AUP1: variants seen among roughly 807,000 people sequenced by gnomAD.
AUP1 encodes the protein AUP1 lipid droplet regulating VLDL assembly factor, also known as lipid droplet-regulating VLDL assembly factor AUP1.
A neutral mutation model predicts 51.8 loss-of-function variants in AUP1; 30 were observed. The observed-to-expected ratio is 0.58, with a 90% CI of 0.43 to 0.79. The LOEUF (loss-of-function observed/expected upper bound fraction) is 0.79, where lower values mean the gene tolerates loss of function less well. AUP1 is among the 30% of genes least tolerant of loss of function. AUP1 has a pLI of 0.00. For synonymous variants in AUP1, 227 were observed against 209.0 expected (o/e 1.09, Z -0.74); for missense variants, 492 against 517.1 (o/e 0.95, Z 0.47).
At position 74,528,849 on chromosome 2, in the gene AUP1, G is replaced by A. The variant is rs200530328; in HGVS notation, c.426C>T (p.Leu142=). Residue 142 remains leucine (L), a synonymous_variant, in exon 4 of 12, where the codon CTC becomes CTT. Coordinates refer to ENST00000377526, the MANE Select transcript of AUP1 (RefSeq NM_181575.5). ...MNGRGELVES[L]KRFCASTRLP... ...GCCTCGTGGAAGCACAGAATCTCTT[G>A]AGTGACTCCACCAACTCCCCCCGCC... The A allele has an allele frequency of 5.2e-5, 84 of 1,614,014 alleles. No homozygotes were observed. Among genetic ancestry groups the A allele is most frequent in the Admixed American group, 3.3e-5 (2 of 59,998 alleles).
At position 74,526,802 on chromosome 2, in the gene AUP1, A is replaced by G; in HGVS notation, c.1231T>C (p.Ter411ArgextTer31). 6.5e-7 allele frequency: 1 copy of G among 1,539,018 alleles called. No homozygotes were observed. Among genetic ancestry groups the G allele is most frequent in the Non-Finnish European group, 8.8e-7 (1 of 1,142,130 alleles). The change falls in exon 12 of 12, where the codon TGA (stop) becomes CGA (arginine). Residue 411 changes from the stop codon to arginine (R), a stop_lost. Transcript: ENST00000377526. ...FTERRAQEAD[*>R] ...GGTGCCATCCTGTTCCTTTGAGCTCAGTCAGCCTCCTGGGCTCGTCTCTCT... is the reference window on the plus strand; with the variant it reads ...GGTGCCATCCTGTTCCTTTGAGCTCGGTCAGCCTCCTGGGCTCGTCTCTCT...
Position 74,527,528 on chromosome 2 carries a change from G to C in AUP1, c.904C>G (p.Gln302Glu), listed in dbSNP as rs1276584832. 1.2e-6 allele frequency: 2 copies of C among 1,613,986 alleles called. No individual in the cohort carries two copies. The highest frequency in any genetic ancestry group is 1.7e-6 in the Non-Finnish European group (2 of 1,179,982). The change falls in exon 9 of 12, where the codon CAG (glutamine) becomes GAG (glutamate). Residue 302 changes from glutamine (Q) to glutamate (E), a missense_variant. Coordinates refer to ENST00000377526, the MANE Select transcript of AUP1 (RefSeq NM_181575.5). ...SPDVQLATLA[Q>E]RVKEVLPHVP... ...TGGGGCAAAACTTCCTTGACTCTCT[G>C]AGCCAGAGTTGCCAGTTGCACATCA...
Position 74,528,266 on chromosome 2 carries a change from A to T in AUP1, c.653T>A (p.Phe218Tyr). ...SELLWSLFVP[F>Y]TVYQVRWLRP... ...TTAATACCTTACTTGATACACCGTG[A>T]AAGGGACGAAAAGTGACCACAGCAG... is the stretch of plus-strand genomic sequence containing the variant. The change falls in exon 6 of 12, where the codon TTC becomes TAC. Residue 218 changes from phenylalanine to tyrosine, a missense_variant. Physicochemically the swap from Phe to Tyr is conservative, Grantham distance 22. Coordinates refer to ENST00000377526, the MANE Select transcript of AUP1 (RefSeq NM_181575.5). 1 of 1,614,108 alleles carries T rather than the reference A, an allele frequency of 6.2e-7. No homozygotes were observed. Among genetic ancestry groups the T allele is most frequent in the Non-Finnish European group, 8.5e-7 (1 of 1,179,984 alleles).
In AUP1 at chr2:74,526,839, G is replaced by A. The variant is rs1223150265; in HGVS notation, c.1197-3C>T. Reference sequence around the variant, plus strand: ...GGGCTCGTCTCTCTGTGAATCTCCTGTGGGACATAGGGAGAGATATTATTC... The same window carrying A: ...GGGCTCGTCTCTCTGTGAATCTCCTATGGGACATAGGGAGAGATATTATTC... On this transcript the variant is annotated splice_polypyrimidine_tract_variant and splice_region_variant and intron_variant, in intron 11 of 11. Transcript: ENST00000377526. 2 of 1,569,380 alleles carry A rather than the reference G, an allele frequency of 1.3e-6. No homozygotes were observed. The highest frequency in any genetic ancestry group is 1.7e-6 in the Non-Finnish European group (2 of 1,154,906).
At chr2:74,528,040 C>T in intron 6 of AUP1, 34 bp from the exon 7 acceptor site, 2 of 1,612,540 alleles carry the variant, frequency 1.2e-6, no homozygotes, top group Non-Finnish European at 1.7e-6. Flanking sequence ...ATGTTGTGGG[C>T]ACCCAGGGTA....
chr2:74,526,737 T>G lies in AUP1; in HGVS notation c.*63A>C. 2 of 1,492,968 alleles carry G rather than the reference T, an allele frequency of 1.3e-6. No homozygotes were observed. The highest frequency in any genetic ancestry group is 1.4e-5 in the South Asian group (1 of 72,444). The allele number at this position is 1,492,968 out of a possible 1,614,324, so 92.5% of individuals were successfully genotyped here. On this transcript the variant is annotated 3_prime_UTR_variant, in exon 12 of 12. Transcript: ENST00000377526. Reference sequence around the variant, plus strand: ...ACCCACCCATCCAGCCTGTTGTGAGTTGGGTGAGGGCTGCCCCCAGTCTCC... The same window carrying G: ...ACCCACCCATCCAGCCTGTTGTGAGGTGGGTGAGGGCTGCCCCCAGTCTCC...
intron 8 of AUP1, 60 bp downstream of exon 8, chr2:74,527,676 G>A: frequency 6.3e-7 from 1 of 1,588,324 alleles, no homozygotes; most frequent in Non-Finnish European, 8.6e-7. Flanking sequence ...AATAGGGGAG[G>A]AATCACAGTA....
At position 74,526,755 on chromosome 2, in the gene AUP1, C is replaced by A; in HGVS notation, c.*45G>T. Reference sequence around the variant, plus strand: ...TTGTGAGTTGGGTGAGGGCTGCCCCCAGTCTCCGTCCTGCGGCTCTGGGTG... The same window carrying A: ...TTGTGAGTTGGGTGAGGGCTGCCCCAAGTCTCCGTCCTGCGGCTCTGGGTG... On this transcript the variant is annotated 3_prime_UTR_variant, in exon 12 of 12. Transcript: ENST00000377526. The A allele has an allele frequency of 6.6e-7, 1 of 1,515,090 alleles. No homozygotes were observed. The highest frequency in any genetic ancestry group is 8.8e-7 in the Non-Finnish European group (1 of 1,132,512). The allele number at this position is 1,515,090 out of a possible 1,614,324, so 93.9% of individuals were successfully genotyped here.
chr2:74,529,659 G>A lies in AUP1; in HGVS notation c.-30C>T. On this transcript the variant is annotated 5_prime_UTR_variant, in exon 1 of 12. Coordinates refer to ENST00000377526, the MANE Select transcript of AUP1 (RefSeq NM_181575.5). ...GCTGCTTCAGGAGCGCCCGGCCGTC[G>A]CCGCCGCCGCCATTTTCGCGCCCGG... is the stretch of plus-strand genomic sequence containing the variant. 2.1e-5 allele frequency: 32 copies of A among 1,544,452 alleles called. No homozygotes were observed. Among genetic ancestry groups the A allele is most frequent in the Non-Finnish European group, 2.8e-5 (32 of 1,147,610 alleles).
Position 74,529,502 on chromosome 2 carries a change from G to A in AUP1, c.51-3C>T. ...GTAGGAAGCAGTCACCCGGAAGCCT[G>A]GGGGCGAGAGGCGAAGTGGTCAGGC... is the stretch of plus-strand genomic sequence containing the variant. On this transcript the variant is annotated splice_region_variant and splice_polypyrimidine_tract_variant and intron_variant, in intron 1 of 11. Transcript: ENST00000377526. 2.6e-6 allele frequency: 4 copies of A among 1,550,092 alleles called. No homozygotes were observed. The highest frequency in any genetic ancestry group is 1.7e-6 in the Non-Finnish European group (2 of 1,143,956).
chr2:74,528,255 G>C lies in AUP1; in HGVS notation c.664C>G (p.Gln222Glu). Reference protein sequence around the residue: ...WSLFVPFTVYQVRWLRPVHRQ... With the variant: ...WSLFVPFTVYEVRWLRPVHRQ... Reference sequence around the variant, plus strand: ...TGTGAGGACAGTTAATACCTTACTTGATACACCGTGAAAGGGACGAAAAGT... The same window carrying C: ...TGTGAGGACAGTTAATACCTTACTTCATACACCGTGAAAGGGACGAAAAGT... The change falls in exon 6 of 12, where the codon CAA becomes GAA. Residue 222 changes from glutamine (Q) to glutamate (E), a missense_variant. By Grantham distance (29) the Gln-to-Glu change is conservative. Coordinates refer to ENST00000377526, the MANE Select transcript of AUP1 (RefSeq NM_181575.5). 6.2e-7 allele frequency: 1 copy of C among 1,613,810 alleles called. No homozygotes were observed.
At chr2:74,527,103 T>A (rs1675222138) in intron 10 of AUP1, 44 bp from the exon 11 acceptor site, 1 of 1,613,776 alleles carries the variant, frequency 6.2e-7, no homozygotes, top group African/African-American at 1.3e-5. Flanking sequence ...GTCATCATCA[T>A]TAAACACGCA....
intron 4 of AUP1, 23 bp downstream of exon 4, chr2:74,528,728 C>G (rs746452532): frequency 3.8e-6 from 6 of 1,568,060 alleles, no homozygotes; most frequent in East Asian, 2.2e-5. Flanking sequence ...CCAGCTGGCG[C>G]CCCATACCTG....
At position 74,528,918 on chromosome 2, in the gene AUP1, G is replaced by A. The variant is rs367970070; in HGVS notation, c.357C>T (p.Pro119=). 38 of 1,614,040 alleles carry A rather than the reference G, an allele frequency of 2.4e-5. No homozygotes were observed. The highest frequency in any genetic ancestry group is 3.1e-5 in the Non-Finnish European group (36 of 1,180,030). ...CCCGAGACCAGCACACAAAGCTGGG[G>A]GGACTATTGAGTAGAGGCTGGGAAC... ...TTCSTPLLNS[P]PSFVCWSRGF... is the part of the protein sequence containing the mutation. The change falls in exon 4 of 12, where the codon CCC becomes CCT. Residue 119 remains proline, a synonymous_variant. Coordinates refer to ENST00000377526, the MANE Select transcript of AUP1 (RefSeq NM_181575.5).
At chr2:74,527,116 G>A (rs1318134407) in intron 10 of AUP1, 57 bp from the exon 11 acceptor site, 5 of 1,612,890 alleles carry the variant, frequency 3.1e-6, no homozygotes, top group Middle Eastern at 1.6e-4. Context: ...AACACGCATC[G>A]AATGCCTACT....
intron 10 of AUP1, 68 bp from the exon 11 acceptor site, chr2:74,527,127 T>C: frequency 1.9e-6 from 3 of 1,612,180 alleles, no homozygotes; most frequent in Non-Finnish European, 2.5e-6. Flanking sequence ...AATGCCTACT[T>C]TGCAAGAGAG....
chr2:74,528,541 G>T, intron 4 of AUP1, 52 bp from the exon 5 acceptor site: 2 of 1,504,330 alleles, frequency 1.3e-6, no homozygotes, highest in Non-Finnish European at 1.8e-6. Context: ...CTAGTCAGCA[G>T]CTCACACCTG....
chr2:74,527,613 AAAAAG>A (rs1675250515), intron 8 of AUP1, 23 bp from the exon 9 acceptor site: 2 of 1,587,924 alleles, frequency 1.3e-6, no homozygotes, highest in Admixed American at 1.9e-5. Context: ...GAAAAAAAGA[AAAAAG>A]AAATTCTGGT....
Position 74,529,580 on chromosome 2 carries a change from C to T in AUP1, c.50G>A (p.Arg17Gln). 1 of 1,564,286 alleles carries T rather than the reference C, an allele frequency of 6.4e-7. No homozygotes were observed. Among genetic ancestry groups the T allele is most frequent in the Non-Finnish European group, 8.7e-7 (1 of 1,152,276 alleles). ...GGTCTCTTCCCGCCGGGTCTCTTAC[C>T]GGTGCGAGTCAAAGAGCCGCTCCGG... The part of the protein sequence containing the change: ...PGPERLFDSH[R>Q]LPGDCFLLLV... The change falls in exon 1 of 12, where the codon CGG becomes CAG. Residue 17 changes from arginine (R) to glutamine (Q), a missense_variant and splice_region_variant. By Grantham distance (43) the Arg-to-Gln change is conservative. Coordinates refer to ENST00000377526, the MANE Select transcript of AUP1 (RefSeq NM_181575.5).
Sources: gnomAD v4.1 joint callset for allele counts on GRCh38, gnomAD v4.1.1 for gene constraint, MANE v1.5 for transcripts, NCBI Gene and HGNC (gene_info 2026-07-23, HGNC 2026-07-21) for gene names.